Variants in CENPN observed in about 807,000 individuals in gnomAD.
CENPN encodes the protein centromere protein N.
CENPN carries 36 observed loss-of-function variants against 48.6 expected under a neutral mutation model. The ratio of observed to expected loss-of-function variants is 0.74; its 90% confidence interval spans 0.57 to 0.98. The LOEUF (loss-of-function observed/expected upper bound fraction) is 0.98. CENPN is among the 50% of genes least tolerant of loss of function. The probability of loss-of-function intolerance (pLI) is 0.00; values close to 1 mark genes in which losing one functional copy is unlikely to be tolerated. For synonymous variants in CENPN, 166 were observed against 135.2 expected (o/e 1.23, Z -1.58); for missense variants, 439 against 399.2 (o/e 1.10, Z -0.85).
At chr16:81,012,933 A>G (rs1255670074) in intron 2 of CENPN, among the ~76,000 whole-genome samples, 1 of 152,204 alleles carries the variant, frequency 6.6e-6, no homozygotes, top group African/African-American at 2.4e-5. Flanking sequence ...TGACCTAGCA[A>G]TTCTACTTAC....
In CENPN at chr16:81,031,361, AC is replaced by A. The variant is rs1225828907; in HGVS notation, c.*2713del. 1 of 151,966 alleles carries A rather than the reference AC, an allele frequency of 6.6e-6. No individual in the cohort carries two copies. Among genetic ancestry groups the A allele is most frequent in the Non-Finnish European group, 1.5e-5 (1 of 68,016 alleles). The allele number at this position is 151,966 out of a possible 1,614,324, so 9.4% of individuals were successfully genotyped here. A position where few individuals can be genotyped will look rare whatever the true frequency, so the allele number is the denominator to read the frequency against. Reference sequence around the variant, plus strand: ...AAACAACTTGTCAACTTGTCTAATCACCCTCAGCTTTTTTTAAAAACCCCTC... The same window carrying A: ...AAACAACTTGTCAACTTGTCTAATCACCTCAGCTTTTTTTAAAAACCCCTC... On this transcript the variant is annotated 3_prime_UTR_variant, in exon 11 of 11. Transcript: ENST00000305850.
chr16:81,020,872 C>G (rs1186362606), intron 6 of CENPN, among the ~76,000 whole-genome samples: 1 of 151,998 alleles, frequency 6.6e-6, no homozygotes, highest in African/African-American at 2.4e-5. Flanking sequence ...GGTGGATCAC[C>G]TGAAGTCAGG....
intron 6 of CENPN, among the ~76,000 whole-genome samples, chr16:81,022,051 G>A (rs534856061): frequency 3.9e-4 from 59 of 152,288 alleles, no homozygotes; most frequent in African/African-American, 1.3e-3. Flanking sequence ...GAGCCACTGC[G>A]CGGACTAATG....
intron 10 of CENPN, 123 bp downstream of exon 10, chr16:81,028,420 C>A: frequency 6.1e-6 from 9 of 1,473,556 alleles, no homozygotes; most frequent in South Asian, 1.3e-5. Context: ...ATCCTGCTCT[C>A]TCTTGCATCT....
chr16:81,022,920 G>A, intron 7 of CENPN: 1 of 1,567,016 alleles, frequency 6.4e-7, no homozygotes, highest in Non-Finnish European at 8.6e-7. Flanking sequence ...TTAGTCACTG[G>A]AGTCTGTGTT....
chr16:81,020,019 AC>A (rs1181632395), intron 5 of CENPN, 80 bp from the exon 6 acceptor site: 4 of 1,254,188 alleles, frequency 3.2e-6, no homozygotes, highest in Non-Finnish European at 4.4e-6. Context: ...ATCATTGTTC[AC>A]CCCTAATAAG....
At position 81,028,950 on chromosome 16, in the gene CENPN, A is replaced by G; in HGVS notation, c.*299A>G. The G allele has an allele frequency of 2.8e-6, 3 of 1,057,538 alleles. No homozygotes were observed. The highest frequency in any genetic ancestry group is 3.4e-6 in the Non-Finnish European group (3 of 877,430). 65.5% of individuals were successfully genotyped at this position (1,057,538 alleles called of 1,614,324 possible). A position where few individuals can be genotyped will look rare whatever the true frequency, so the allele number is the denominator to read the frequency against. On this transcript the variant is annotated 3_prime_UTR_variant, in exon 11 of 11. Coordinates refer to ENST00000305850, the MANE Select transcript of CENPN (RefSeq NM_001100624.3). ...TGCTCTGAAATCAAGCATATGGCAC[A>G]GCGCTCAAGACTTTTGGGTTTGTGT...
rs1162857581 is a variant in CENPN, at chr16:81,029,702, G to C, written c.*1051G>C. On this transcript the variant is annotated 3_prime_UTR_variant, in exon 11 of 11. Transcript: ENST00000305850. ...GAGATTCTCCTGCCTCAGCCTCTGA[G>C]TAGCTGGGACTACAGGCCTGCACCA... Among the ~76,000 whole-genome samples the C allele has an allele frequency of 1.3e-5, 2 of 152,140 alleles. No individual in the cohort carries two copies. Among genetic ancestry groups the C allele is most frequent in the African/African-American group, 4.8e-5 (2 of 41,446 alleles).
intron 5 of CENPN, among the ~76,000 whole-genome samples, chr16:81,019,179 A>G (rs574380854): frequency 6.6e-6 from 1 of 152,134 alleles, no homozygotes; most frequent in South Asian, 2.1e-4. Context: ...TAAGCCCATT[A>G]TGACATAGAA....
rs377398346 is a variant in CENPN, at chr16:81,028,654, C to T, written c.*3C>T. ...ATTTTAAAATTAGAGATAAATAAGA[C>T]GTGCGTGGTTTCTTAAGCACAGCTC... On this transcript the variant is annotated 3_prime_UTR_variant, in exon 11 of 11. Coordinates refer to ENST00000305850, the MANE Select transcript of CENPN (RefSeq NM_001100624.3). The T allele has an allele frequency of 3.9e-5, 62 of 1,609,438 alleles. No individual in the cohort carries two copies. The highest frequency in any genetic ancestry group is 8.9e-5 in the South Asian group (8 of 89,738).
At chr16:81,013,026 A>G (rs917445913) in intron 2 of CENPN, among the ~76,000 whole-genome samples, 11 of 152,260 alleles carry the variant, frequency 7.2e-5, no homozygotes, top group African/African-American at 2.4e-4. Context: ...ATGAAGATGC[A>G]TTGTAGCATT....
chr16:81,014,142 C>T lies in CENPN; in HGVS notation c.178C>T (p.Arg60Cys), dbSNP rs199499043. ...QHLIHLCEEK[R>C]ASISDAALLD... ...AATTTGTTTTCTCTTTTAGGAAAAG[C>T]GTGCAAGTATCAGTGATGCTGCCCT... The change falls in exon 3 of 11, where the codon CGT becomes TGT. Residue 60 changes from arginine (R) to cysteine (C), a missense_variant. By Grantham distance (180) the Arg-to-Cys change is radical. Transcript: ENST00000305850. The T allele has an allele frequency of 2.2e-4, 349 of 1,612,756 alleles. No individual in the cohort carries two copies. Among genetic ancestry groups the T allele is most frequent in the Non-Finnish European group, 2.9e-4 (339 of 1,179,050 alleles).
At chr16:81,022,790 AGAG>A (rs1407412092) in intron 7 of CENPN, 92 bp downstream of exon 7, 15 of 1,613,910 alleles carry the variant, frequency 9.3e-6, no homozygotes, top group Non-Finnish European at 6.8e-6. Context: ...ACCTCCGACA[AGAG>A]GAGATCATTT....
At chr16:81,014,497 AT>A (rs572627600) in intron 3 of CENPN, 25 of 302,468 alleles carry the variant, frequency 8.3e-5, no homozygotes, top group African/African-American at 5.3e-4. Context: ...TGCTGGGATT[AT>A]AGGTGTGAAC....
chr16:81,017,296 C>T (rs1969972645), intron 3 of CENPN, 30 bp from the exon 4 acceptor site: 11 of 1,468,702 alleles, frequency 7.5e-6, no homozygotes, highest in Middle Eastern at 1.7e-4. Flanking sequence ...CTATGATATG[C>T]TAGTAATAAA....
intron 1 of CENPN, among the ~76,000 whole-genome samples, chr16:81,008,636 G>T (rs781259673): frequency 7.2e-5 from 11 of 152,056 alleles, no homozygotes; most frequent in Non-Finnish European, 1.6e-4. Context: ...CGCGCTCCCG[G>T]CCCCTCGCCC....
Position 81,029,320 on chromosome 16 carries a change from G to T in CENPN, c.*669G>T. The T allele has an allele frequency of 1.1e-6, 1 of 950,318 alleles. No individual in the cohort carries two copies. The highest frequency in any genetic ancestry group is 1.3e-6 in the Non-Finnish European group (1 of 798,118). The allele number at this position is 950,318 out of a possible 1,614,324, so 58.9% of individuals were successfully genotyped here. ...AAGGTGTCAAAAAACTGGCACATCA[G>T]TTAATTTTGATCAAAGTACTTCAGT... On this transcript the variant is annotated 3_prime_UTR_variant, in exon 11 of 11. Coordinates refer to ENST00000305850, the MANE Select transcript of CENPN (RefSeq NM_001100624.3).
rs1234248777 is a variant in CENPN, at chr16:81,028,178, C to T, written c.818C>T (p.Thr273Met). 9.9e-6 allele frequency: 16 copies of T among 1,609,100 alleles called. No homozygotes were observed. Among genetic ancestry groups the T allele is most frequent in the East Asian group, 4.5e-5 (2 of 44,870 alleles). The change falls in exon 10 of 11, where the codon ACG (threonine) becomes ATG (methionine). Residue 273 changes from threonine (T) to methionine (M), a missense_variant. Thr to Met is a moderately conservative substitution (Grantham distance 81). Transcript: ENST00000305850. ...QLEFAQYKLE[T>M]KFKSGLNGSI... ...ATAAATGTTTGTTGACAGCTTGAAA[C>T]GAAATTCAAAAGTGGTTTAAATGGG...
At chr16:81,012,397 A>C (rs1371991527) in intron 2 of CENPN, among the ~76,000 whole-genome samples, 1 of 152,220 alleles carries the variant, frequency 6.6e-6, no homozygotes, top group Non-Finnish European at 1.5e-5. Context: ...AAACCTATCA[A>C]ATTATCAAGG....
Sources: gnomAD v4.1 joint callset for allele counts (sites outside exome capture counted in the v4.1 genomes callset) on GRCh38, gnomAD v4.1.1 for gene constraint, MANE v1.5 for transcripts, NCBI Gene and HGNC (gene_info 2026-07-23, HGNC 2026-07-21) for gene names.